The following MGAT3 variants were observed in gnomAD, a reference collection of about 807,000 sequenced individuals.
The protein encoded by MGAT3 is beta-1,4-mannosyl-glycoprotein 4-beta-N-acetylglucosaminyltransferase, also known as GlcNAc-T III.
Under a neutral mutation model 29.8 loss-of-function variants are expected in MGAT3, and 9 were observed. The observed-to-expected ratio is 0.30, with a 90% confidence interval of 0.18 to 0.53. The LOEUF (loss-of-function observed/expected upper bound fraction) is 0.53. MGAT3 is among the 20% of genes least tolerant of loss of function. The pLI is 0.96. For synonymous variants in MGAT3, 397 were observed against 348.9 expected (o/e 1.14, Z -1.54); for missense variants, 557 against 769.5 (o/e 0.72, Z 3.27).
chr22:39,484,359 GT>G (rs373011474), intron 1 of MGAT3, among the ~76,000 whole-genome samples: 2 of 150,960 alleles, frequency 1.3e-5, no homozygotes, highest in Admixed American at 6.6e-5. Flanking sequence ...TAGGAGCCTT[GT>G]TTTTTTTTGT....
chr22:39,463,921 TA>T (rs111876968), intron 1 of MGAT3, among the ~76,000 whole-genome samples: 5,429 of 149,378 alleles, frequency 0.036, 306 homozygotes, highest in African/African-American at 0.12. Flanking sequence ...TCTCAAAAAT[TA>T]AAAAAAAATA....
intron 1 of MGAT3, among the ~76,000 whole-genome samples, chr22:39,468,894 T>TGAGA (rs1928729731): frequency 6.6e-6 from 1 of 151,588 alleles, no homozygotes; most frequent in Admixed American, 6.6e-5. Flanking sequence ...GATTGAAGGG[T>TGAGA]GAGATTACAC....
In MGAT3 at chr22:39,487,809, C is replaced by T. The variant is rs12628575; in HGVS notation, c.462C>T (p.Ser154=). The T allele has an allele frequency of 1.3e-6, 2 of 1,492,050 alleles. No individual in the cohort carries two copies. The highest frequency in any genetic ancestry group is 1.4e-5 in the African/African-American group (1 of 71,648). 92.4% of individuals were successfully genotyped at this position (1,492,050 alleles called of 1,614,324 possible). The change falls in exon 2 of 2, where the codon AGC becomes AGT. Residue 154 remains serine, a synonymous_variant. Transcript: ENST00000341184. The surrounding 1 kb of genome is among the most constrained non-coding windows in gnomAD (Gnocchi z 5.7). ...SARRPPRYLL[S]ARERTGGRGA... Reference sequence around the variant, plus strand: ...GGCGGCCACCCCGGTACCTCCTGAGCGCCCGGGAGCGCACGGGGGGCCGAG... The same window carrying T: ...GGCGGCCACCCCGGTACCTCCTGAGTGCCCGGGAGCGCACGGGGGGCCGAG...
intron 1 of MGAT3, among the ~76,000 whole-genome samples, chr22:39,472,266 G>T (rs557192368): frequency 6.6e-6 from 1 of 152,274 alleles, no homozygotes; most frequent in East Asian, 1.9e-4. Context: ...GAGCCCCCTT[G>T]CAGGAGAGGC....
intron 1 of MGAT3, among the ~76,000 whole-genome samples, chr22:39,469,080 GGAA>G (rs1928734850): frequency 6.6e-6 from 1 of 151,570 alleles, no homozygotes; most frequent in African/African-American, 2.4e-5. Context: ...GGGAGATTTG[GGAA>G]GTGCGGGCAG....
chr22:39,466,774 T>C (rs548836796), intron 1 of MGAT3, among the ~76,000 whole-genome samples: 3 of 152,370 alleles, frequency 2.0e-5, no homozygotes, highest in African/African-American at 7.2e-5. Flanking sequence ...CCCCGGCCTC[T>C]AAGTGCTTTT....
intron 1 of MGAT3, among the ~76,000 whole-genome samples, chr22:39,481,415 T>G (rs1929123459): frequency 1.3e-5 from 2 of 152,236 alleles, no homozygotes; most frequent in Non-Finnish European, 2.9e-5. Flanking sequence ...GTTTGTAGTT[T>G]ACGCAGGCTC....
chr22:39,464,520 A>T (rs965511387), intron 1 of MGAT3, among the ~76,000 whole-genome samples: 1 of 151,588 alleles, frequency 6.6e-6, no homozygotes. Context: ...GCTCACTGCA[A>T]CCTCTGCCTC....
At chr22:39,486,060 C>T in intron 1 of MGAT3, 1 of 348,568 alleles carries the variant, frequency 2.9e-6, no homozygotes, top group South Asian at 2.2e-5. Flanking sequence ...CTTGGTTAGA[C>T]TTAGTGTCCA....
chr22:39,487,180 G>A lies in MGAT3; in HGVS notation c.-1-167G>A, dbSNP rs1601730511. The A allele has an allele frequency of 4.5e-6, 1 of 224,580 alleles. No individual in the cohort carries two copies. Among genetic ancestry groups the A allele is most frequent in the African/African-American group, 2.3e-5 (1 of 42,608 alleles). The allele number at this position is 224,580 out of a possible 1,614,324, so 13.9% of individuals were successfully genotyped here. ...CAGTGCTGGGGCTTTCAGGGGCCTT[G>A]GTACCGCGAGTTGACTCTTGGGGGC... On this transcript the variant is annotated intron_variant, in intron 1 of 1. Coordinates refer to ENST00000341184, the MANE Select transcript of MGAT3 (RefSeq NM_002409.5). This position sits in a 1 kb window ranked among gnomAD's most constrained non-coding sequence, Gnocchi z 5.7.
intron 1 of MGAT3, among the ~76,000 whole-genome samples, chr22:39,461,551 A>T (rs1928497618): frequency 6.6e-6 from 1 of 152,140 alleles, no homozygotes; most frequent in South Asian, 2.1e-4. Flanking sequence ...GAGCTCAGAG[A>T]TGTGGCCCAA....
intron 1 of MGAT3, chr22:39,486,143 AATT>A (rs1569005654): frequency 2.0e-5 from 7 of 357,826 alleles, no homozygotes; most frequent in African/African-American, 4.2e-5. Context: ...ATAGACCTCA[AATT>A]TTTTTTTTTT....
chr22:39,476,128 C>T (rs1251066753), intron 1 of MGAT3, among the ~76,000 whole-genome samples: 2 of 144,682 alleles, frequency 1.4e-5, no homozygotes, highest in African/African-American at 5.2e-5. Context: ...CTGCAGGGAG[C>T]TGGGATCAGC....
intron 1 of MGAT3, among the ~76,000 whole-genome samples, chr22:39,478,644 G>C (rs965570317): frequency 1.3e-5 from 2 of 152,152 alleles, no homozygotes; most frequent in African/African-American, 2.4e-5. Flanking sequence ...TTCACCAAGC[G>C]ACAGCTGTCA....
intron 1 of MGAT3, among the ~76,000 whole-genome samples, chr22:39,460,995 G>A (rs1377848296): frequency 6.6e-6 from 1 of 152,022 alleles, no homozygotes; most frequent in Non-Finnish European, 1.5e-5. Context: ...TTTTCTGACT[G>A]AGTCCCCCTG....
At chr22:39,472,139 C>T (rs994393513) in intron 1 of MGAT3, among the ~76,000 whole-genome samples, 3 of 152,116 alleles carry the variant, frequency 2.0e-5, no homozygotes, top group Admixed American at 1.3e-4. Context: ...TAAGGGTGGA[C>T]CCTTGGGCTT....
At chr22:39,464,949 G>T (rs971859956) in intron 1 of MGAT3, among the ~76,000 whole-genome samples, 2 of 151,718 alleles carry the variant, frequency 1.3e-5, no homozygotes, top group African/African-American at 4.8e-5. Context: ...TAGAGACGGG[G>T]TTTCACCATG....
intron 1 of MGAT3, among the ~76,000 whole-genome samples, chr22:39,463,249 T>C (rs554094432): frequency 7.6e-4 from 116 of 152,354 alleles, no homozygotes; most frequent in African/African-American, 2.6e-3. Flanking sequence ...CAAGCACTAT[T>C]ATCATCCCTG....
At chr22:39,470,240 G>C (rs936043363) in intron 1 of MGAT3, among the ~76,000 whole-genome samples, 1 of 152,208 alleles carries the variant, frequency 6.6e-6, no homozygotes, top group Non-Finnish European at 1.5e-5. Context: ...GAGGGCTTGC[G>C]GGCGGGGGCA....
Sources: allele counts gnomAD v4.1 joint callset (sites outside exome capture counted in the v4.1 genomes callset), GRCh38; gene constraint gnomAD v4.1.1; non-coding constraint Gnocchi (gnomAD v3.1); transcripts MANE v1.5; gene names NCBI Gene and HGNC (gene_info 2026-07-23, HGNC 2026-07-21).